The following CABLES1 variants were observed in gnomAD, a reference collection of about 807,000 sequenced individuals.
The protein encoded by CABLES1 is Cdk5 and Abl enzyme substrate 1.
Under a neutral mutation model 57.8 loss-of-function variants are expected in CABLES1, and 36 were observed. The observed-to-expected ratio is 0.62, with a 90% confidence interval of 0.48 to 0.82. The LOEUF (loss-of-function observed/expected upper bound fraction) is 0.82. Ranked by LOEUF, CABLES1 falls within the 40% of genes least tolerant of loss-of-function variation. CABLES1 has a pLI of 0.00. For missense variants in CABLES1, 767 were observed against 836.6 expected (o/e 0.92, Z 1.03); for synonymous variants, 374 against 363.0 (o/e 1.03, Z -0.35).
At chr18:23,187,998 C>G (rs2047214827) in intron 1 of CABLES1, among the ~76,000 whole-genome samples, 1 of 152,188 alleles carries the variant, frequency 6.6e-6, no homozygotes, top group Admixed American at 6.5e-5. Context: ...ATTTTTAGTT[C>G]CGTTTTAAGG....
At position 23,253,918 on chromosome 18, in the gene CABLES1, A is replaced by T; in HGVS notation, c.1743A>T (p.Glu581Asp). 1 of 1,614,152 alleles carries T rather than the reference A, an allele frequency of 6.2e-7. No individual in the cohort carries two copies. The highest frequency in any genetic ancestry group is 8.5e-7 in the Non-Finnish European group (1 of 1,180,040). ...AKIGSDLKKH[E>D]VKHLIDKLEE... is the part of the protein sequence containing the mutation. The stretch of plus-strand genomic sequence containing the variant: ...TTGGAAGTGACCTCAAAAAACACGA[A>T]GTCAAGCATTTAATTGACGTAAGTA... The change falls in exon 9 of 10, where the codon GAA becomes GAT. Residue 581 changes from glutamate (E) to aspartate (D), a missense_variant. This residue lies in a region of CABLES1 where 529 missense variants were observed against 622.8 expected (regional missense o/e 0.85). Coordinates refer to ENST00000256925, the MANE Select transcript of CABLES1 (RefSeq NM_001100619.3).
chr18:23,175,233 TAA>T (rs2047114744), intron 1 of CABLES1, among the ~76,000 whole-genome samples: 1 of 152,208 alleles, frequency 6.6e-6, no homozygotes, highest in East Asian at 1.9e-4. Context: ...GATTGAGATA[TAA>T]GTCAATATTA....
chr18:23,230,477 C>G (rs530353941), intron 4 of CABLES1, among the ~76,000 whole-genome samples: 3 of 152,324 alleles, frequency 2.0e-5, no homozygotes, highest in African/African-American at 7.2e-5. Flanking sequence ...CGTGTATGCT[C>G]TTAATTCCAG....
Position 23,188,853 on chromosome 18 carries a change from C to T in CABLES1, c.861C>T (p.Ser287=). 2 of 1,613,930 alleles carry T rather than the reference C, an allele frequency of 1.2e-6. No homozygotes were observed. The highest frequency in any genetic ancestry group is 1.7e-6 in the Non-Finnish European group (2 of 1,179,862). The change falls in exon 2 of 10, where the codon TCC becomes TCT. Residue 287 remains serine (S), a synonymous_variant. Coordinates refer to ENST00000256925, the MANE Select transcript of CABLES1 (RefSeq NM_001100619.3). The stretch of plus-strand genomic sequence containing the variant: ...CTTTCTGCAGACGGCGCCTCATCTC[C>T]CAGAGATCTTCCTTGGAGACCCTGG... ...QLQRSRRRLI[S]QRSSLETLED...
intron 1 of CABLES1, among the ~76,000 whole-genome samples, chr18:23,184,365 C>T (rs908939144): frequency 1.3e-5 from 2 of 150,770 alleles, no homozygotes; most frequent in Non-Finnish European, 2.9e-5. Context: ...GTTCAGACTT[C>T]TATAATGAAG....
intron 1 of CABLES1, among the ~76,000 whole-genome samples, chr18:23,180,709 T>C (rs2047159212): frequency 6.6e-6 from 1 of 152,150 alleles, no homozygotes; most frequent in Non-Finnish European, 1.5e-5. Flanking sequence ...TAGTTTTTCA[T>C]TTTAGGGCTC....
At chr18:23,145,306 C>T (rs1267786896) in intron 1 of CABLES1, among the ~76,000 whole-genome samples, 2 of 151,916 alleles carry the variant, frequency 1.3e-5, no homozygotes, top group Non-Finnish European at 2.9e-5. Context: ...CTCTTGACCT[C>T]GTGATCTGCC....
At chr18:23,200,469 A>T (rs150607684) in intron 3 of CABLES1, among the ~76,000 whole-genome samples, 1 of 152,120 alleles carries the variant, frequency 6.6e-6, no homozygotes, top group Non-Finnish European at 1.5e-5. Flanking sequence ...TCACCATGTT[A>T]GCCAGGAAGG....
At chr18:23,154,680 G>A (rs2046954287) in intron 1 of CABLES1, among the ~76,000 whole-genome samples, 1 of 152,160 alleles carries the variant, frequency 6.6e-6, no homozygotes. Context: ...GTCAGCAAGG[G>A]ATTTGAACTT....
chr18:23,171,631 T>A (rs746127405), intron 1 of CABLES1, among the ~76,000 whole-genome samples: 1 of 152,182 alleles, frequency 6.6e-6, no homozygotes, highest in Non-Finnish European at 1.5e-5. Flanking sequence ...GGACCTCTTC[T>A]CTTCTTTCAT....
At chr18:23,257,144 G>A in intron 9 of CABLES1, 83 bp from the exon 10 acceptor site, 2 of 1,487,368 alleles carry the variant, frequency 1.3e-6, no homozygotes, top group Non-Finnish European at 1.8e-6. Context: ...CTCACTGGCT[G>A]GTGGATAGAG....
At chr18:23,248,512 C>CTTTTTTTTTTTTTTTTTT (rs59555750) in intron 7 of CABLES1, among the ~76,000 whole-genome samples, 13 of 90,726 alleles carry the variant, frequency 1.4e-4, no homozygotes, top group African/African-American at 1.7e-4. Context: ...GACCCTATGT[C>CTTTTTTTTTTTTTTTTTT]TTTTTTTTTT....
intron 4 of CABLES1, among the ~76,000 whole-genome samples, chr18:23,232,364 G>A (rs2047572444): frequency 6.6e-6 from 1 of 152,212 alleles, no homozygotes; most frequent in African/African-American, 2.4e-5. Context: ...TGAGCTGCTG[G>A]TCCTTGAATG....
chr18:23,231,704 T>G (rs1235153795), intron 4 of CABLES1, among the ~76,000 whole-genome samples: 1 of 152,202 alleles, frequency 6.6e-6, no homozygotes, highest in Non-Finnish European at 1.5e-5. Context: ...AATCCCTGTT[T>G]CTTTAAATGG....
intron 3 of CABLES1, among the ~76,000 whole-genome samples, chr18:23,209,199 C>T (rs556320249): frequency 1.3e-5 from 2 of 152,338 alleles, no homozygotes; most frequent in South Asian, 4.1e-4. Flanking sequence ...CATGAGTCAG[C>T]CCTTGGTCCA....
At position 23,235,557 on chromosome 18, in the gene CABLES1, A is replaced by G. The variant is rs576078024; in HGVS notation, c.1186-338A>G. 3.9e-3 allele frequency among the ~76,000 whole-genome samples: 590 copies of G among 152,322 alleles called. 4 individuals carry two copies. Among genetic ancestry groups the G allele is most frequent in the African/African-American group, 0.014 (568 of 41,572 alleles). ...TTCTGGGCTTCTGCACTTGGATTAT[A>G]AAAAGCAATGCAGCGTGTGCCTTGT... On this transcript the variant is annotated intron_variant, in intron 5 of 9. Coordinates refer to ENST00000256925, the MANE Select transcript of CABLES1 (RefSeq NM_001100619.3).
intron 7 of CABLES1, among the ~76,000 whole-genome samples, chr18:23,240,182 A>T (rs1303021944): frequency 6.6e-6 from 1 of 152,120 alleles, no homozygotes; most frequent in Non-Finnish European, 1.5e-5. Context: ...CCCAGGGGGT[A>T]GGCCTCAAGG....
intron 1 of CABLES1, among the ~76,000 whole-genome samples, chr18:23,188,239 A>T (rs180962615): frequency 2.6e-5 from 4 of 152,314 alleles, no homozygotes; most frequent in African/African-American, 7.2e-5. Context: ...CAGAAGAGTT[A>T]ATGTTTTGCG....
intron 1 of CABLES1, among the ~76,000 whole-genome samples, chr18:23,157,087 C>G (rs2046970826): frequency 6.6e-6 from 1 of 152,064 alleles, no homozygotes; most frequent in Non-Finnish European, 1.5e-5. Context: ...TTTGGGGTTA[C>G]AAATAAATTT....
Sources: allele counts gnomAD v4.1 joint callset (sites outside exome capture counted in the v4.1 genomes callset), GRCh38; gene constraint gnomAD v4.1.1; regional missense constraint gnomAD v4.1.1; transcripts MANE v1.5; gene names NCBI Gene and HGNC (gene_info 2026-07-23, HGNC 2026-07-21).